Variants in CNTNAP5 observed in about 807,000 individuals in gnomAD.
CNTNAP5 encodes contactin-associated protein-like 5.
A neutral mutation model predicts 150.2 loss-of-function variants in CNTNAP5; 72 were observed. The observed-to-expected ratio is 0.48, with a 90% confidence interval of 0.40 to 0.58. The LOEUF (loss-of-function observed/expected upper bound fraction) is 0.58, where lower values mean the gene tolerates loss of function less well. Ranked by LOEUF, CNTNAP5 falls within the 20% of genes least tolerant of loss-of-function variation. The pLI is 0.00. For synonymous variants in CNTNAP5, 672 were observed against 619.8 expected (o/e 1.08, Z -1.25); for missense variants, 1,636 against 1,626.2 (o/e 1.01, Z -0.10).
rs879598093 is a variant in CNTNAP5 at position 124,674,562 on chromosome 2, CCTTTCTTT to C, written c.2077+26613_2077+26620del. Among the ~76,000 whole-genome samples the C allele has an allele frequency of 1.8e-3, 194 of 110,336 alleles. 1 individual carries two copies. Among genetic ancestry groups the C allele is most frequent in the Admixed American group, 4.1e-3 (39 of 9,512 alleles). 72.4% of individuals were successfully genotyped at this position (110,336 alleles called of 152,430 possible). ...TTCTTTCTTTCTTTCTTCCTTTCTTCCTTTCTTTCTTTCTTTTCATCTCCTCCTACTCC... is the reference window on the plus strand; with the variant it reads ...TTCTTTCTTTCTTTCTTCCTTTCTTCCTTTCTTTTCATCTCCTCCTACTCC... On this transcript the variant is annotated intron_variant, in intron 13 of 23. Transcript: ENST00000682447.
intron 11 of CNTNAP5, among the ~76,000 whole-genome samples, chr2:124,606,338 A>G (rs1313379797): frequency 6.6e-6 from 1 of 151,344 alleles, no homozygotes; most frequent in African/African-American, 2.5e-5. Flanking sequence ...CCATTTTCCA[A>G]CTGTTAAATA....
At chr2:124,336,773 A>G (rs1689483822) in intron 3 of CNTNAP5, among the ~76,000 whole-genome samples, 1 of 151,954 alleles carries the variant, frequency 6.6e-6, no homozygotes, top group Admixed American at 6.6e-5. Flanking sequence ...CCAGTCTATC[A>G]TTGTTAGACA....
At chr2:124,702,655 C>T (rs142352336) in intron 13 of CNTNAP5, among the ~76,000 whole-genome samples, 13 of 152,078 alleles carry the variant, frequency 8.5e-5, no homozygotes, top group African/African-American at 3.1e-4. Flanking sequence ...TGGAGAATTG[C>T]ATGCCAAGCA....
At chr2:124,287,784 G>A (rs985783676) in intron 3 of CNTNAP5, among the ~76,000 whole-genome samples, 3 of 152,130 alleles carry the variant, frequency 2.0e-5, no homozygotes, top group African/African-American at 7.2e-5. Context: ...ATAGGTTAAA[G>A]AAACACTAAT....
chr2:124,748,966 C>G (rs1680664375), intron 14 of CNTNAP5, among the ~76,000 whole-genome samples: 1 of 152,172 alleles, frequency 6.6e-6, no homozygotes, highest in Non-Finnish European at 1.5e-5. Flanking sequence ...CGGATGCCTA[C>G]AAACCAACTA....
intron 17 of CNTNAP5, among the ~76,000 whole-genome samples, chr2:124,785,837 A>G (rs1341844297): frequency 6.6e-6 from 1 of 152,212 alleles, no homozygotes; most frequent in Non-Finnish European, 1.5e-5. Context: ...TCTAGCCACA[A>G]AATGCTGAAT....
intron 11 of CNTNAP5, among the ~76,000 whole-genome samples, chr2:124,568,851 C>T (rs1034132921): frequency 7.2e-5 from 11 of 152,258 alleles, no homozygotes; most frequent in African/African-American, 2.6e-4. Flanking sequence ...CGAGACTATC[C>T]TGGCTAACAC....
chr2:124,425,929 C>T (rs894676377), intron 4 of CNTNAP5, among the ~76,000 whole-genome samples: 2 of 152,094 alleles, frequency 1.3e-5, no homozygotes, highest in African/African-American at 4.8e-5. Flanking sequence ...TATGGAAGTT[C>T]CCTAAAATGA....
intron 1 of CNTNAP5, among the ~76,000 whole-genome samples, chr2:124,198,727 G>A (rs1181622850): frequency 8.6e-5 from 13 of 151,662 alleles, no homozygotes; most frequent in Admixed American, 5.2e-4. Context: ...TTAGCTTAAA[G>A]TCATAAAGAC....
chr2:124,098,558 G>T (rs951932099), intron 1 of CNTNAP5, among the ~76,000 whole-genome samples: 1 of 152,126 alleles, frequency 6.6e-6, no homozygotes, highest in Admixed American at 6.5e-5. Context: ...TCATAATCCT[G>T]AAGACAACCC....
intron 10 of CNTNAP5, among the ~76,000 whole-genome samples, chr2:124,555,254 A>T (rs1481466547): frequency 6.6e-6 from 1 of 152,148 alleles, no homozygotes; most frequent in Middle Eastern, 3.2e-3. Context: ...TGATTATTTT[A>T]AACTTTTGAT....
chr2:124,331,018 C>G (rs948983225), intron 3 of CNTNAP5, among the ~76,000 whole-genome samples: 11 of 152,160 alleles, frequency 7.2e-5, no homozygotes, highest in African/African-American at 2.4e-4. Context: ...TTTGGAAATT[C>G]TTACCAGGTC....
chr2:124,262,068 C>T (rs960778322), intron 3 of CNTNAP5, among the ~76,000 whole-genome samples: 10 of 151,938 alleles, frequency 6.6e-5, no homozygotes, highest in Non-Finnish European at 1.2e-4. Flanking sequence ...ATAGTGAGAT[C>T]TTGTCTCTAC....
intron 19 of CNTNAP5, among the ~76,000 whole-genome samples, chr2:124,844,285 A>G (rs925167675): frequency 4.6e-5 from 7 of 151,550 alleles, no homozygotes; most frequent in Admixed American, 3.9e-4. Flanking sequence ...TCCCCACTTT[A>G]TGTTTTTGTT....
chr2:124,847,951 T>C (rs1683082713), intron 19 of CNTNAP5, among the ~76,000 whole-genome samples: 1 of 152,178 alleles, frequency 6.6e-6, no homozygotes, highest in Admixed American at 6.6e-5. Context: ...CTTAAAAATA[T>C]TTATTTTTAA....
At chr2:124,817,377 G>T (rs186547355) in intron 19 of CNTNAP5, among the ~76,000 whole-genome samples, 5 of 151,772 alleles carry the variant, frequency 3.3e-5, no homozygotes, top group Non-Finnish European at 7.4e-5. Flanking sequence ...CACTTTTATA[G>T]ACATAAGTAC....
At chr2:124,546,623 A>G (rs1245888684) in intron 10 of CNTNAP5, among the ~76,000 whole-genome samples, 1 of 152,200 alleles carries the variant, frequency 6.6e-6, no homozygotes, top group African/African-American at 2.4e-5. Flanking sequence ...GGTAGTGTAG[A>G]CAATGTGGCT....
At chr2:124,046,237 T>C (rs2104637263) in intron 1 of CNTNAP5, among the ~76,000 whole-genome samples, 1 of 151,904 alleles carries the variant, frequency 6.6e-6, no homozygotes, top group East Asian at 1.9e-4. Flanking sequence ...TTCTAGAAGA[T>C]AAAAGACAAT....
At chr2:124,497,505 G>T (rs1212838972) in intron 7 of CNTNAP5, among the ~76,000 whole-genome samples, 3 of 152,174 alleles carry the variant, frequency 2.0e-5, no homozygotes, top group Non-Finnish European at 4.4e-5. Flanking sequence ...GTCTTTTCTT[G>T]CTAAGTTCTA....
Sources: allele counts gnomAD v4.1 joint callset (sites outside exome capture counted in the v4.1 genomes callset), GRCh38; gene constraint gnomAD v4.1.1; transcripts MANE v1.5; gene names NCBI Gene and HGNC (gene_info 2026-07-23, HGNC 2026-07-21).